CFAP57: variants seen among roughly 807,000 people sequenced by gnomAD.
The protein encoded by CFAP57 is cilia- and flagella-associated protein 57.
A neutral mutation model predicts 146.8 loss-of-function variants in CFAP57; 116 were observed. The ratio of observed to expected loss-of-function variants is 0.79; its 90% CI spans 0.68 to 0.92. The LOEUF (loss-of-function observed/expected upper bound fraction) is 0.92. Ranked by LOEUF, CFAP57 falls within the 40% of genes least tolerant of loss-of-function variation. The probability of loss-of-function intolerance (pLI) is 0.00; values close to 1 mark genes in which losing one functional copy is unlikely to be tolerated. For missense variants in CFAP57, 1,377 were observed against 1,527.2 expected, an observed-to-expected ratio of 0.90 and a Z score of 1.64; for synonymous variants, 518 against 552.8, an observed-to-expected ratio of 0.94 and a Z score of 0.88.
chr1:43,177,534 G>A (rs939864525), intron 2 of CFAP57, among the ~76,000 whole-genome samples: 1 of 152,144 alleles, frequency 6.6e-6, no homozygotes, highest in Non-Finnish European at 1.5e-5. Context: ...GAATTTGAGG[G>A]TCATCAGCCT....
rs1443235301 is a variant in CFAP57 at position 43,232,546 on chromosome 1, T to C, written c.3048T>C (p.Thr1016=). The C allele has an allele frequency of 6.5e-7, 1 of 1,550,238 alleles. No individual in the cohort carries two copies. Among genetic ancestry groups the C allele is most frequent in the Admixed American group, 2.0e-5 (1 of 51,000 alleles). Residue 1016 remains threonine (T), a synonymous_variant, in exon 19 of 23, where the codon ACT becomes ACC. Transcript: ENST00000372492. ...TGGAGAATTTCCATAAGCAGAACAC[T>C]CAACTGGAGCTGAACATCACAGAAT... ...AELENFHKQN[T]QLELNITELW...
intron 22 of CFAP57, among the ~76,000 whole-genome samples, chr1:43,251,388 A>G (rs764708193): frequency 6.6e-6 from 1 of 152,242 alleles, no homozygotes; most frequent in Non-Finnish European, 1.5e-5. Flanking sequence ...GGGAGGGGCC[A>G]AGGGCCACCC....
chr1:43,213,234 C>G (rs1013213615), intron 11 of CFAP57, among the ~76,000 whole-genome samples: 14 of 152,146 alleles, frequency 9.2e-5, no homozygotes, highest in African/African-American at 3.4e-4. Flanking sequence ...ATTACAGGCA[C>G]ATGCCATCAT....
rs937895750 is a variant in CFAP57, at chr1:43,234,602, C to T, written c.3369C>T (p.Gly1123=). ...ATLKKKVVKE[G]ELHRTDYVRI... ...TCAAGAAGAAGGTGGTCAAGGAGGG[C>T]GAGCTGCACCGCACAGACTACGTCC... The change falls in exon 21 of 23, where the codon GGC becomes GGT. Residue 1123 remains glycine (G), a synonymous_variant. Transcript: ENST00000372492. 2.1e-5 allele frequency: 32 copies of T among 1,550,248 alleles called. No individual in the cohort carries two copies. In the East Asian group the frequency reaches 3.9e-4, roughly 19 times the overall value.
chr1:43,244,064 A>G (rs1231779020), intron 22 of CFAP57, among the ~76,000 whole-genome samples: 1 of 152,250 alleles, frequency 6.6e-6, no homozygotes, highest in East Asian at 1.9e-4. Context: ...GGATCCTTAC[A>G]AAAGGAATGT....
intron 6 of CFAP57, among the ~76,000 whole-genome samples, chr1:43,197,335 G>C (rs1005827920): frequency 4.6e-5 from 7 of 151,826 alleles, no homozygotes; most frequent in Non-Finnish European, 1.0e-4. Context: ...CCAGCCTGGG[G>C]GACAGAGCGA....
rs1200787172 is a variant in CFAP57, at chr1:43,215,373, T to C, written c.2048T>C (p.Phe683Ser). 2 of 1,551,044 alleles carry C rather than the reference T, an allele frequency of 1.3e-6. No individual in the cohort carries two copies. The highest frequency in any genetic ancestry group is 1.7e-6 in the Non-Finnish European group (2 of 1,147,092). Reference protein sequence around the residue: ...RGIKREREVGFAEEVLVTKTD... With the variant: ...RGIKREREVGSAEEVLVTKTD... Reference sequence around the variant, plus strand: ...ATCAAGCGAGAGAGGGAGGTGGGCTTTGCCGAAGAGGTGCTTGTGACTAAA... The same window carrying C: ...ATCAAGCGAGAGAGGGAGGTGGGCTCTGCCGAAGAGGTGCTTGTGACTAAA... Residue 683 changes from phenylalanine to serine, a missense_variant, in exon 12 of 23, where the codon TTT (phenylalanine) becomes TCT (serine). Transcript: ENST00000372492.
intron 21 of CFAP57, among the ~76,000 whole-genome samples, chr1:43,240,081 CA>C (rs1220405345): frequency 6.6e-6 from 1 of 152,162 alleles, no homozygotes; most frequent in Non-Finnish European, 1.5e-5. Flanking sequence ...AGAGTTTTAC[CA>C]GGCAGCATCT....
At chr1:43,242,073 T>C (rs1645946719) in intron 21 of CFAP57, among the ~76,000 whole-genome samples, 1 of 152,212 alleles carries the variant, frequency 6.6e-6, no homozygotes, top group Non-Finnish European at 1.5e-5. Flanking sequence ...ATTCCAGTGA[T>C]GCAGGACTGT....
intron 14 of CFAP57, 91 bp from the exon 15 acceptor site, chr1:43,222,014 T>C (rs1445573877): frequency 6.9e-6 from 8 of 1,154,148 alleles, no homozygotes; most frequent in Admixed American, 3.4e-5. Context: ...CAGCTGGTGC[T>C]GGAAGGGATG....
At position 43,215,534 on chromosome 1, in the gene CFAP57, C is replaced by T. The variant is rs942872516; in HGVS notation, c.2091+118C>T. 5.8e-6 allele frequency: 7 copies of T among 1,208,774 alleles called. No individual in the cohort carries two copies. In the Admixed American group the frequency reaches 1.9e-4, roughly 32 times the overall value. 74.9% of individuals were successfully genotyped at this position (1,208,774 alleles called of 1,614,324 possible). On this transcript the variant is annotated intron_variant, in intron 12 of 22. Transcript: ENST00000372492. Reference sequence around the variant, plus strand: ...TACACCCTATGCCCAGTGCAGACCCCCACGGCTCCCTGCACATCTGCTGTC... The same window carrying T: ...TACACCCTATGCCCAGTGCAGACCCTCACGGCTCCCTGCACATCTGCTGTC...
At chr1:43,214,943 A>T (rs1484216862) in intron 11 of CFAP57, among the ~76,000 whole-genome samples, 1 of 152,044 alleles carries the variant, frequency 6.6e-6, no homozygotes, top group Non-Finnish European at 1.5e-5. Flanking sequence ...ATGTCTCCTT[A>T]TCTTTTGTCT....
chr1:43,177,354 A>G, intron 2 of CFAP57: 5 of 382,114 alleles, frequency 1.3e-5, no homozygotes, highest in South Asian at 9.8e-5. Flanking sequence ...GGGCCTGAGC[A>G]TGGAAAGCAT....
chr1:43,215,822 A>G (rs1338236529), intron 12 of CFAP57, among the ~76,000 whole-genome samples: 2 of 152,238 alleles, frequency 1.3e-5, no homozygotes, highest in Non-Finnish European at 2.9e-5. Context: ...CAACATCTCT[A>G]TGAAGAAGAT....
Position 43,240,926 on chromosome 1 carries a change from C to G in CFAP57, c.3406-2301C>G, listed in dbSNP as rs191198671. Among the ~76,000 whole-genome samples, 1,182 of 152,318 alleles carry G rather than the reference C, an allele frequency of 7.8e-3. 5 individuals are homozygous for G. Among genetic ancestry groups the G allele is most frequent in the Non-Finnish European group, 0.011 (764 of 68,028 alleles). Reference sequence around the variant, plus strand: ...CTCGGCTCACTGCAAGCTCCGCCTCCTGGGTTCATGCCATTCTCCTGCCTC... The same window carrying G: ...CTCGGCTCACTGCAAGCTCCGCCTCGTGGGTTCATGCCATTCTCCTGCCTC... On this transcript the variant is annotated intron_variant, in intron 21 of 22. Transcript: ENST00000372492.
chr1:43,222,028 G>A, intron 14 of CFAP57, 77 bp from the exon 15 acceptor site: 1 of 1,308,872 alleles, frequency 7.6e-7, no homozygotes, highest in Non-Finnish European at 1.0e-6. Flanking sequence ...AGGGATGGGA[G>A]AGCGCCCAAG....
intron 11 of CFAP57, among the ~76,000 whole-genome samples, chr1:43,214,882 G>A (rs1392131665): frequency 4.6e-5 from 7 of 152,128 alleles, no homozygotes; most frequent in Non-Finnish European, 8.8e-5. Context: ...CTAATAATGC[G>A]GAGTATCTCT....
intron 2 of CFAP57, among the ~76,000 whole-genome samples, chr1:43,173,284 A>G (rs1494904): frequency 0.2 from 30,701 of 152,144 alleles, 3,612 homozygotes; most frequent in Middle Eastern, 0.29. Flanking sequence ...GAATCCAAGT[A>G]TGATGAAGAC....
chr1:43,239,061 G>A (rs1486404152), intron 21 of CFAP57, among the ~76,000 whole-genome samples: 1 of 151,880 alleles, frequency 6.6e-6, no homozygotes, highest in Non-Finnish European at 1.5e-5. Context: ...CTTCTCCTCT[G>A]TCTCCCCTGG....
Sources: gnomAD v4.1 joint callset for allele counts (sites outside exome capture counted in the v4.1 genomes callset) on GRCh38, gnomAD v4.1.1 for gene constraint, MANE v1.5 for transcripts, NCBI Gene and HGNC (gene_info 2026-07-23, HGNC 2026-07-21) for gene names.